The following USP9X variants were observed in gnomAD, a reference collection of about 807,000 sequenced individuals.
The protein encoded by USP9X is ubiquitin carboxyl-terminal hydrolase 9X.
Under a neutral mutation model 190.3 loss-of-function variants are expected in USP9X, and 7 were observed. That is an observed-to-expected ratio of 0.04 (90% confidence interval 0.02 to 0.07). The LOEUF (loss-of-function observed/expected upper bound fraction) is 0.07. Among genes scored for constraint, USP9X ranks in the 10% least tolerant of loss-of-function variants. The probability of loss-of-function intolerance (pLI) is 1.00; values close to 1 mark genes in which losing one functional copy is unlikely to be tolerated. For missense variants in USP9X, 1,010 were observed against 1,916.9 expected (o/e 0.53, Z 8.83); for synonymous variants, 645 against 659.5 (o/e 0.98, Z 0.34).
Position 41,193,717 on chromosome X carries a change from A to G in USP9X, c.3978-2534A>G, listed in dbSNP as rs777560047. Among the ~76,000 whole-genome samples, 5 of 111,218 alleles carry G rather than the reference A, an allele frequency of 4.5e-5. No individual in the cohort carries two copies. The South Asian group carries it at 1.9e-3, about 42-fold the overall frequency. On this transcript the variant is annotated intron_variant, in intron 26 of 44. Coordinates refer to ENST00000378308, the MANE Select transcript of USP9X (RefSeq NM_001039591.3). Reference sequence around the variant, plus strand: ...GTAGCATGCACATGTAGTCCTAACTAGTCAGGAGGCTGAGGTGGGAAGATT... The same window carrying G: ...GTAGCATGCACATGTAGTCCTAACTGGTCAGGAGGCTGAGGTGGGAAGATT...
intron 1 of USP9X, among the ~76,000 whole-genome samples, chrX:41,095,894 G>C (rs2061987341): frequency 8.9e-6 from 1 of 111,841 alleles, no homozygotes; most frequent in Non-Finnish European, 1.9e-5. Flanking sequence ...AAGAAATAAT[G>C]ATTAGGGAAT....
intron 15 of USP9X, among the ~76,000 whole-genome samples, chrX:41,163,782 T>G (rs2062654895): frequency 9.0e-6 from 1 of 110,534 alleles, no homozygotes. Flanking sequence ...TCCTTTTGAA[T>G]TCAAAAAACC....
At chrX:41,109,769 A>T (rs1226610013) in intron 1 of USP9X, among the ~76,000 whole-genome samples, 2 of 100,135 alleles carry the variant, frequency 2.0e-5, no homozygotes, top group African/African-American at 7.2e-5. Context: ...CACACTGGGG[A>T]TGGGGGGGGC....
intron 6 of USP9X, among the ~76,000 whole-genome samples, chrX:41,139,292 C>T (rs757751581): frequency 1.9e-5 from 2 of 107,087 alleles, no homozygotes; most frequent in African/African-American, 6.8e-5. Flanking sequence ...GGTAGGAAAA[C>T]ACTATTAAAT....
rs867413034 is a variant in USP9X, at chrX:41,206,670, C to T, written c.5015+1177C>T. 2.2e-4 allele frequency among the ~76,000 whole-genome samples: 24 copies of T among 111,201 alleles called. 1 individual carries two copies. The Middle Eastern group carries it at 0.028, about 129-fold the overall frequency. ...TTCTTTTTGTGGAATGGATAGGCAA[C>T]GCTACTTCATAGGGGATAATGTTTA... On this transcript the variant is annotated intron_variant, in intron 32 of 44. Coordinates refer to ENST00000378308, the MANE Select transcript of USP9X (RefSeq NM_001039591.3).
At chrX:41,130,271 A>G (rs900532920) in intron 3 of USP9X, among the ~76,000 whole-genome samples, 19 of 110,774 alleles carry the variant, frequency 1.7e-4, no homozygotes, top group African/African-American at 6.2e-4. Context: ...GTAATGGTAT[A>G]TAATAAATTA....
At chrX:41,101,907 G>T (rs2062037049) in intron 1 of USP9X, among the ~76,000 whole-genome samples, 1 of 111,893 alleles carries the variant, frequency 8.9e-6, no homozygotes, top group Admixed American at 9.5e-5. Context: ...TTATGCTTAA[G>T]TGAAATAAAC....
chrX:41,152,726 GAA>G (rs2062539894), intron 13 of USP9X, among the ~76,000 whole-genome samples: 1 of 112,030 alleles, frequency 8.9e-6, no homozygotes. Flanking sequence ...TGAAGTTGGA[GAA>G]TAGTGATGGA....
intron 5 of USP9X, among the ~76,000 whole-genome samples, 169 bp downstream of exon 5, chrX:41,135,006 G>C (rs999775980): frequency 8.9e-6 from 1 of 112,150 alleles, no homozygotes; most frequent in South Asian, 3.7e-4. Flanking sequence ...CTTGAAGGCC[G>C]CATGGTCATT....
intron 2 of USP9X, among the ~76,000 whole-genome samples, chrX:41,125,543 C>A (rs954161626): frequency 1.6e-4 from 17 of 105,672 alleles, no homozygotes; most frequent in African/African-American, 5.6e-4. Context: ...TATGGTAATG[C>A]CTCCTTATTT....
Position 41,201,287 on chromosome X carries a change from T to C in USP9X, c.4824+7T>C, listed in dbSNP as rs2063039437. ...TGAGAAGCAGGACAATGAGGTAAAT[T>C]TGAGTTACCATTTCTGTTTTCTGTG... On this transcript the variant is annotated splice_region_variant and intron_variant, in intron 31 of 44. Coordinates refer to ENST00000378308, the MANE Select transcript of USP9X (RefSeq NM_001039591.3). The C allele has an allele frequency of 2.5e-6, 3 of 1,192,096 alleles. No homozygotes were observed. The highest frequency in any genetic ancestry group is 3.4e-6 in the Non-Finnish European group (3 of 877,827).
Position 41,187,980 on chromosome X carries a change from G to A in USP9X, c.3685-12G>A, listed in dbSNP as rs199806373. 1.4e-3 allele frequency: 1,646 copies of A among 1,195,659 alleles called. 1 individual carries two copies. The highest frequency in any genetic ancestry group is 1.8e-3 in the Non-Finnish European group (1,564 of 887,666). On this transcript the variant is annotated splice_polypyrimidine_tract_variant and intron_variant, in intron 24 of 44. Transcript: ENST00000378308. ...ATTCTATCAACAGTTCTATTTACTC[G>A]TTATCTTGCAGGCTTCAAGATATAT...
intron 21 of USP9X, among the ~76,000 whole-genome samples, chrX:41,177,862 A>G (rs1233170514): frequency 9.2e-6 from 1 of 109,252 alleles, no homozygotes; most frequent in African/African-American, 3.3e-5. Context: ...ATTTATTTTG[A>G]TGCTCAATTG....
At chrX:41,213,956 A>G (rs922375928) in intron 33 of USP9X, among the ~76,000 whole-genome samples, 2 of 112,197 alleles carry the variant, frequency 1.8e-5, no homozygotes, top group African/African-American at 6.5e-5. Context: ...TTAATAATGT[A>G]TTCCTCACAT....
At chrX:41,142,882 A>G (rs2062435077) in intron 9 of USP9X, among the ~76,000 whole-genome samples, 2 of 110,090 alleles carry the variant, frequency 1.8e-5, no homozygotes, top group Admixed American at 9.9e-5. Flanking sequence ...AATAGTGCCT[A>G]GCACATGATA....
intron 12 of USP9X, among the ~76,000 whole-genome samples, chrX:41,149,302 T>A (rs2062500277): frequency 8.9e-6 from 1 of 111,839 alleles, no homozygotes; most frequent in African/African-American, 3.3e-5. Context: ...AGCAGTACAT[T>A]TGCTATCAGG....
At chrX:41,096,199 C>G (rs895888473) in intron 1 of USP9X, among the ~76,000 whole-genome samples, 5 of 112,530 alleles carry the variant, frequency 4.4e-5, no homozygotes, top group African/African-American at 1.3e-4. Flanking sequence ...CATCTTCCCC[C>G]CCGCTCCCCG....
At chrX:41,193,436 G>A (rs1302446653) in intron 26 of USP9X, among the ~76,000 whole-genome samples, 1 of 111,583 alleles carries the variant, frequency 9.0e-6, no homozygotes, top group Non-Finnish European at 1.9e-5. Context: ...GCCAAGACAG[G>A]AGGATCACTT....
chrX:41,198,468 C>CT (rs35107393), intron 29 of USP9X, 60 bp from the exon 30 acceptor site: 516 of 856,710 alleles, frequency 6.0e-4, no homozygotes, highest in Middle Eastern at 1.0e-3. Flanking sequence ...TACAAGAGAA[C>CT]TTTTTTTTTC....
Sources: allele counts gnomAD v4.1 joint callset (sites outside exome capture counted in the v4.1 genomes callset), GRCh38; gene constraint gnomAD v4.1.1; transcripts MANE v1.5; gene names NCBI Gene and HGNC (gene_info 2026-07-23, HGNC 2026-07-21).